Variants in RPH3AL observed in about 807,000 individuals in gnomAD.
RPH3AL encodes rab effector Noc2.
Under a neutral mutation model 43.1 loss-of-function variants are expected in RPH3AL, and 38 were observed. The ratio of observed to expected loss-of-function variants is 0.88; its 90% CI spans 0.68 to 1.15. The LOEUF (loss-of-function observed/expected upper bound fraction) is 1.15. RPH3AL is among the 50% of genes most tolerant of loss of function. The probability of loss-of-function intolerance (pLI) is 0.00; values close to 1 mark genes in which losing one functional copy is unlikely to be tolerated. For missense variants in RPH3AL, 462 were observed against 423.2 expected (o/e 1.09, Z -0.81); for synonymous variants, 189 against 176.3 (o/e 1.07, Z -0.57).
chr17:223,246 C>CTGTTTTG (rs2151504888), intron 7 of RPH3AL, among the ~76,000 whole-genome samples: 1 of 151,898 alleles, frequency 6.6e-6, no homozygotes. Flanking sequence ...AAACAATTGT[C>CTGTTTTG]TCTTTTCTGC....
intron 5 of RPH3AL, among the ~76,000 whole-genome samples, chr17:312,810 A>G (rs1259542754): frequency 6.6e-6 from 1 of 152,234 alleles, no homozygotes; most frequent in Admixed American, 6.5e-5. Flanking sequence ...CACCGTGGCC[A>G]AGCTGGGACC....
At chr17:314,277 C>G (rs1053849904) in intron 5 of RPH3AL, among the ~76,000 whole-genome samples, 1 of 152,202 alleles carries the variant, frequency 6.6e-6, no homozygotes, top group East Asian at 1.9e-4. Flanking sequence ...CCACAGGCCC[C>G]TATACCTGGA....
intron 1 of RPH3AL, among the ~76,000 whole-genome samples, chr17:346,500 C>T (rs548641824): frequency 7.4e-6 from 1 of 134,248 alleles, no homozygotes; most frequent in African/African-American, 2.6e-5. Flanking sequence ...CTCCCCCTTA[C>T]AGAACCATCA....
chr17:317,113 G>T (rs1385549609), intron 5 of RPH3AL, among the ~76,000 whole-genome samples: 3 of 34,410 alleles, frequency 8.7e-5, no homozygotes, highest in African/African-American at 2.4e-4. Context: ...TAGTCCCTGT[G>T]ACTCCACCTC....
At chr17:222,783 G>A (rs1419850473) in intron 7 of RPH3AL, among the ~76,000 whole-genome samples, 2 of 152,140 alleles carry the variant, frequency 1.3e-5, no homozygotes, top group Non-Finnish European at 2.9e-5. Flanking sequence ...ACAGACCCTG[G>A]CCAAGCAGGA....
chr17:235,296 G>A (rs2041343415), intron 7 of RPH3AL, among the ~76,000 whole-genome samples: 1 of 150,770 alleles, frequency 6.6e-6, no homozygotes, highest in African/African-American at 2.5e-5. Context: ...TAACAAGACG[G>A]GTCCCGGGTT....
At chr17:306,632 C>T (rs2043494862) in intron 5 of RPH3AL, 2 of 152,258 alleles carry the variant, frequency 1.3e-5, no homozygotes, top group African/African-American at 4.8e-5. Context: ...ATCCACGAAT[C>T]CTCTGCATCT....
chr17:337,227 C>G (rs1241917200), intron 1 of RPH3AL, among the ~76,000 whole-genome samples: 1 of 152,024 alleles, frequency 6.6e-6, no homozygotes, highest in East Asian at 1.9e-4. Flanking sequence ...GTGATCCTCG[C>G]ATCAGCCTCC....
chr17:240,125 T>C (rs1367260411), intron 7 of RPH3AL, among the ~76,000 whole-genome samples: 1 of 151,686 alleles, frequency 6.6e-6, no homozygotes, highest in Admixed American at 6.6e-5. Context: ...TAATCCCAGC[T>C]ACTCAGGAGG....
chr17:273,120 A>AGGGCGACGTCAGGGAGAGACCCCAGCGC, intron 6 of RPH3AL, among the ~76,000 whole-genome samples: 1 of 83,508 alleles, frequency 1.2e-5, no homozygotes, highest in African/African-American at 4.2e-5. Context: ...GACCCCAGCG[A>AGGGCGACGTCAGGGAGAGACCCCAGCGC]GGGTGACGTC....
rs550555947 is a variant in RPH3AL at position 212,565 on chromosome 17, T to C, written c.*1287A>G. Reference sequence around the variant, plus strand: ...CCACAGGGAAAGTGAGTTTCTTTACTGTTTGCCAGCAGCAAGGACAAAAAG... The same window carrying C: ...CCACAGGGAAAGTGAGTTTCTTTACCGTTTGCCAGCAGCAAGGACAAAAAG... On this transcript the variant is annotated 3_prime_UTR_variant, in exon 10 of 10. Transcript: ENST00000331302. 1 of 152,282 alleles carries C rather than the reference T, an allele frequency of 6.6e-6. No homozygotes were observed. Among genetic ancestry groups the C allele is most frequent in the South Asian group, 2.1e-4 (1 of 4,818 alleles). 9.4% of individuals were successfully genotyped at this position (152,282 alleles called of 1,614,324 possible). A position where few individuals can be genotyped will look rare whatever the true frequency, so the allele number is the denominator to read the frequency against.
At chr17:313,976 A>T (rs9894072) in intron 5 of RPH3AL, among the ~76,000 whole-genome samples, 55,898 of 151,864 alleles carry the variant, frequency 0.37, 12,358 homozygotes, top group African/African-American at 0.62. Context: ...CAGGACTGAG[A>T]CCTCAGTCTG....
In RPH3AL at chr17:315,007, T is replaced by C. The variant is rs751736938; in HGVS notation, c.351+4413A>G. Among the ~76,000 whole-genome samples the C allele has an allele frequency of 2.4e-3, 87 of 36,844 alleles. 4 individuals carry two copies. The highest frequency in any genetic ancestry group is 0.012 in the African/African-American group (45 of 3,676). 24.2% of individuals were successfully genotyped at this position (36,844 alleles called of 152,430 possible). On this transcript the variant is annotated intron_variant, in intron 5 of 9. Transcript: ENST00000331302. Reference sequence around the variant, plus strand: ...GCCCCACCTCCATTGACCTGTAGTCTCTGTGCTCCACCTCCATTGACCTGT... The same window carrying C: ...GCCCCACCTCCATTGACCTGTAGTCCCTGTGCTCCACCTCCATTGACCTGT...
Position 340,440 on chromosome 17 carries a change from C to T in RPH3AL, c.-212-6506G>A, listed in dbSNP as rs112367384. ...GGCCTCCCCACATCCATACTCACTG[C>T]CCCCCACCCAGGCCTCCCCACATCC... On this transcript the variant is annotated intron_variant, in intron 1 of 9. Coordinates refer to ENST00000331302, the MANE Select transcript of RPH3AL (RefSeq NM_006987.4). Among the ~76,000 whole-genome samples the T allele has an allele frequency of 8.4e-4, 96 of 114,328 alleles. 39 individuals are homozygous for T. Among genetic ancestry groups the T allele is most frequent in the Non-Finnish European group, 1.3e-3 (68 of 51,814 alleles). The allele number at this position is 114,328 out of a possible 152,430, so 75.0% of individuals were successfully genotyped here. A position where few individuals can be genotyped will look rare whatever the true frequency, so the allele number is the denominator to read the frequency against.
chr17:271,946 G>T (rs927101881), intron 6 of RPH3AL, among the ~76,000 whole-genome samples: 8 of 152,106 alleles, frequency 5.3e-5, no homozygotes, highest in African/African-American at 1.7e-4. Context: ...GTGGGCAAAG[G>T]ATAAGAACAG....
chr17:242,624 T>C (rs199507897), intron 7 of RPH3AL, among the ~76,000 whole-genome samples: 97 of 137,782 alleles, frequency 7.0e-4, no homozygotes, highest in Non-Finnish European at 7.4e-4. Flanking sequence ...CCTCTATTGA[T>C]TACCTTCCTC....
At chr17:252,932 G>A (rs78543459) in intron 6 of RPH3AL, among the ~76,000 whole-genome samples, 3,981 of 152,282 alleles carry the variant, frequency 0.026, 88 homozygotes, top group South Asian at 0.12. Context: ...CCACAGAGCG[G>A]GACTGCAGGG....
At position 247,104 on chromosome 17, in the gene RPH3AL, G is replaced by A. The variant is rs1357169573; in HGVS notation, c.613+7C>T. ...GCCATCCTGGGAGAGAGGCAGAGGG[G>A]ACTTACCTCTTCCTCGGGCCCACGT... On this transcript the variant is annotated splice_region_variant and intron_variant, in intron 7 of 9. Transcript: ENST00000331302. 4 of 1,613,904 alleles carry A rather than the reference G, an allele frequency of 2.5e-6. No homozygotes were observed. The highest frequency in any genetic ancestry group is 3.4e-6 in the Non-Finnish European group (4 of 1,179,938).
chr17:331,132 G>A (rs11871632), intron 2 of RPH3AL: 6 of 151,720 alleles, frequency 4.0e-5, no homozygotes, highest in Non-Finnish European at 5.9e-5. Flanking sequence ...CTGCTCCCAC[G>A]TGGGAGGTGG....
Sources: allele counts gnomAD v4.1 joint callset (sites outside exome capture counted in the v4.1 genomes callset), GRCh38; gene constraint gnomAD v4.1.1; transcripts MANE v1.5; gene names NCBI Gene and HGNC (gene_info 2026-07-23, HGNC 2026-07-21).